Variants in CORO2B observed in about 807,000 individuals in gnomAD.
The protein encoded by CORO2B is coronin 2B, also known as coronin-2B.
In CORO2B, 26 loss-of-function variants were observed where a neutral mutation model predicts 58.8. The observed-to-expected ratio is 0.44, with a 90% CI of 0.32 to 0.61. CORO2B has a LOEUF of 0.61. Among genes scored for constraint, CORO2B ranks in the 20% least tolerant of loss-of-function variants. The probability of loss-of-function intolerance (pLI) is 0.04; values close to 1 mark genes in which losing one functional copy is unlikely to be tolerated. For synonymous variants in CORO2B, 242 were observed against 253.8 expected (o/e 0.95, Z 0.44); for missense variants, 460 against 645.1 (o/e 0.71, Z 3.11).
At chr15:68,697,807 G>A (rs1299181972) in intron 3 of CORO2B, among the ~76,000 whole-genome samples, 1 of 152,206 alleles carries the variant, frequency 6.6e-6, no homozygotes, top group African/African-American at 2.4e-5. Flanking sequence ...CACAGGAGCT[G>A]GTGGAGGCTG....
At chr15:68,578,211 C>T (rs909315105), upstream of CORO2B, among the ~76,000 whole-genome samples, 2 of 152,158 alleles carry the variant, frequency 1.3e-5, no homozygotes, top group African/African-American at 4.8e-5. This position sits in a 1 kb window ranked among gnomAD's most constrained non-coding sequence, Gnocchi z 4.2. Flanking sequence ...GTTATCACTC[C>T]ACCAGTAGAG....
chr15:68,685,110 C>G (rs896344395), intron 2 of CORO2B, among the ~76,000 whole-genome samples: 4 of 151,814 alleles, frequency 2.6e-5, no homozygotes, highest in Non-Finnish European at 3.0e-5. Flanking sequence ...CCACTGCCCT[C>G]GGTACTCCTT....
chr15:68,562,149 G>A, the CORO2B span, among the ~76,000 whole-genome samples: 1 of 152,318 alleles, frequency 6.6e-6, no homozygotes, highest in East Asian at 1.9e-4. Context: ...GTCCAGTCTG[G>A]AAGAAGTGGG....
the CORO2B span, among the ~76,000 whole-genome samples, chr15:68,518,704 C>T: frequency 7.5e-4 from 114 of 152,172 alleles, no homozygotes; most frequent in Non-Finnish European, 1.1e-3. Flanking sequence ...ACCCTAGGGT[C>T]CCCAGGGGCT....
In CORO2B at chr15:68,710,002, C is replaced by T. The variant is rs1234100030; in HGVS notation, c.334-730C>T. The stretch of plus-strand genomic sequence containing the variant: ...AATTAAGGGGGTGATTCCAAGACTG[C>T]AGAGAAACAGCTCAGTCTCTCCCTG... On this transcript the variant is annotated intron_variant, in intron 3 of 11. Transcript: ENST00000261861. This position sits in a 1 kb window ranked among gnomAD's most constrained non-coding sequence, Gnocchi z 4.1. Among the ~76,000 whole-genome samples, 2 of 152,220 alleles carry T rather than the reference C, an allele frequency of 1.3e-5. No homozygotes were observed. The highest frequency in any genetic ancestry group is 4.8e-5 in the African/African-American group (2 of 41,454).
chr15:68,520,895 A>G, the CORO2B span, among the ~76,000 whole-genome samples: 3,057 of 152,226 alleles, frequency 0.02, 114 homozygotes, highest in African/African-American at 0.07. Flanking sequence ...AAAAAAATAC[A>G]AAAATTAGCC....
intron 1 of CORO2B, among the ~76,000 whole-genome samples, chr15:68,619,267 T>C (rs1900449429): frequency 2.0e-5 from 3 of 152,222 alleles, no homozygotes; most frequent in Admixed American, 2.0e-4. Context: ...TTGCCTTAGA[T>C]CACCTACCCT....
At chr15:68,539,089 C>A in the CORO2B span, among the ~76,000 whole-genome samples, 1 of 152,192 alleles carries the variant, frequency 6.6e-6, no homozygotes, top group Non-Finnish European at 1.5e-5. Flanking sequence ...CTTCTAGAGG[C>A]ATAGGAGACA....
intron 2 of CORO2B, among the ~76,000 whole-genome samples, chr15:68,676,544 C>A (rs1415659475): frequency 6.6e-6 from 1 of 152,220 alleles, no homozygotes. Flanking sequence ...TGACATGGGG[C>A]TGCTATTCTC....
chr15:68,554,070 C>G, the CORO2B span, among the ~76,000 whole-genome samples: 1 of 152,268 alleles, frequency 6.6e-6, no homozygotes, highest in South Asian at 2.1e-4. Flanking sequence ...ACAGCAGAGA[C>G]AGGTTGGAGA....
chr15:68,591,647 C>G (rs936409937), intron 1 of CORO2B, among the ~76,000 whole-genome samples: 1 of 152,218 alleles, frequency 6.6e-6, no homozygotes, highest in Non-Finnish European at 1.5e-5. Context: ...TTCTGAGCCC[C>G]TAGCCCAGAC....
At chr15:68,659,939 A>G (rs1901961541) in intron 2 of CORO2B, among the ~76,000 whole-genome samples, 1 of 152,202 alleles carries the variant, frequency 6.6e-6, no homozygotes, top group Admixed American at 6.5e-5. Context: ...GTCTATCCTC[A>G]TCTTCATGCT....
intron 5 of CORO2B, 62 bp from the exon 6 acceptor site, chr15:68,713,863 A>G: frequency 9.0e-7 from 1 of 1,115,324 alleles, no homozygotes; most frequent in Non-Finnish European, 1.4e-6. Context: ...ACCACCATTC[A>G]TGCCACTGCA....
In CORO2B at chr15:68,642,336, C is replaced by T. The variant is rs371700797; in HGVS notation, c.16-2824C>T. 2.9e-4 allele frequency among the ~76,000 whole-genome samples: 44 copies of T among 152,278 alleles called. 1 individual carries two copies. The highest frequency in any genetic ancestry group is 1.0e-3 in the Admixed American group (16 of 15,294). On this transcript the variant is annotated intron_variant, in intron 1 of 11. Transcript: ENST00000261861. The stretch of plus-strand genomic sequence containing the variant: ...GGTTCTTGTGACCCTTCCCCTTGTA[C>T]CCCAGGGAGAGCCTGCGGTGACGTC...
intron 8 of CORO2B, among the ~76,000 whole-genome samples, chr15:68,717,175 G>A (rs1193641788): frequency 6.6e-6 from 1 of 152,014 alleles, no homozygotes; most frequent in Non-Finnish European, 1.5e-5. Context: ...GTACCTGGGT[G>A]TGGTGATACA....
chr15:68,714,586 G>C lies in CORO2B; in HGVS notation c.793G>C (p.Glu265Gln), dbSNP rs1262672268. 6.2e-7 allele frequency: 1 copy of C among 1,614,154 alleles called. No homozygotes were observed. Among genetic ancestry groups the C allele is most frequent in the South Asian group, 1.1e-5 (1 of 91,080 alleles). The change falls in exon 7 of 12, where the codon GAG becomes CAG. Residue 265 changes from glutamate to glutamine, a missense_variant. Transcript: ENST00000261861. ...QEDLSMPLIEEEIDGLSGLLF... is the reference protein window; with the variant it reads ...QEDLSMPLIEQEIDGLSGLLF... ...GGACCTCTCCATGCCCCTGATCGAA[G>C]AGGAAATTGATGGGCTCTCTGGCCT... is the stretch of plus-strand genomic sequence containing the variant.
At chr15:68,617,643 G>T (rs941038967) in intron 1 of CORO2B, among the ~76,000 whole-genome samples, 4 of 152,182 alleles carry the variant, frequency 2.6e-5, no homozygotes, top group Non-Finnish European at 5.9e-5. Flanking sequence ...GTCTTTCCTT[G>T]CTGTGTTCTC....
chr15:68,713,723 G>T (rs1892969807), intron 5 of CORO2B, among the ~76,000 whole-genome samples: 1 of 152,162 alleles, frequency 6.6e-6, no homozygotes, highest in Non-Finnish European at 1.5e-5. Context: ...TGGCATCCAG[G>T]ATCCACCTGG....
At chr15:68,681,504 G>A (rs570718070) in intron 2 of CORO2B, among the ~76,000 whole-genome samples, 1 of 152,276 alleles carries the variant, frequency 6.6e-6, no homozygotes, top group East Asian at 1.9e-4. Context: ...CTGGGAAAAG[G>A]TGGTCATCCA....
Sources: allele counts gnomAD v4.1 joint callset (sites outside exome capture counted in the v4.1 genomes callset), GRCh38; gene constraint gnomAD v4.1.1; non-coding constraint Gnocchi (gnomAD v3.1); transcripts MANE v1.5; gene names NCBI Gene and HGNC (gene_info 2026-07-23, HGNC 2026-07-21).